WIPI1: variants seen among roughly 807,000 people sequenced by gnomAD.
WIPI1 encodes WD repeat domain phosphoinositide-interacting protein 1.
In WIPI1, 45 loss-of-function variants were observed where a neutral mutation model predicts 55.3. The observed-to-expected ratio is 0.81, with a 90% confidence interval of 0.64 to 1.04. The LOEUF is 1.04. WIPI1 is among the 50% of genes least tolerant of loss of function. The pLI, the probability that WIPI1 is intolerant of heterozygous loss-of-function variation, is 0.00. For synonymous variants in WIPI1, 195 were observed against 217.6 expected, an observed-to-expected ratio of 0.90 and a Z score of 0.92; for missense variants, 445 against 559.0, an observed-to-expected ratio of 0.80 and a Z score of 2.06.
intron 3 of WIPI1, chr17:68,448,157 T>C (rs1007924362): frequency 1.3e-5 from 2 of 152,296 alleles, no homozygotes; most frequent in Admixed American, 6.5e-5. Context: ...CTTGGGCCTT[T>C]ATCATTTCCC....
chr17:68,423,641 C>T lies in WIPI1; in HGVS notation c.1294-1821G>A, dbSNP rs1374984111. On this transcript the variant is annotated intron_variant, in intron 12 of 12. Coordinates refer to ENST00000262139, the MANE Select transcript of WIPI1 (RefSeq NM_017983.7). The surrounding 1 kb of genome is among the most constrained non-coding windows in gnomAD (Gnocchi z 4.4). The stretch of plus-strand genomic sequence containing the variant: ...TTTGGTCCTTAGGAGGGAGAAGAAA[C>T]AACTGGCTCATGCCCAGCTTCCTGG... Among the ~76,000 whole-genome samples the T allele has an allele frequency of 6.6e-6, 1 of 152,204 alleles. No homozygotes were observed. The highest frequency in any genetic ancestry group is 1.5e-5 in the Non-Finnish European group (1 of 68,032).
chr17:68,426,251 G>GGGGGGGGGGGGGGGGGGGGGT, intron 11 of WIPI1, 76 bp from the exon 12 acceptor site: 1 of 825,458 alleles, frequency 1.2e-6, no homozygotes, highest in Non-Finnish European at 1.9e-6. Flanking sequence ...GTGGGGAGCG[G>GGGGGGGGGGGGGGGGGGGGGT]GGGCTCAAAT....
chr17:68,451,793 C>T (rs762220377), intron 2 of WIPI1, among the ~76,000 whole-genome samples: 8 of 152,048 alleles, frequency 5.3e-5, no homozygotes, highest in Non-Finnish European at 8.8e-5. Context: ...AGTATTATGA[C>T]GAGGAAAGTA....
intron 3 of WIPI1, 45 bp downstream of exon 3, chr17:68,450,683 C>T (rs2084465487): frequency 6.4e-7 from 1 of 1,557,714 alleles, no homozygotes; most frequent in East Asian, 2.3e-5. Context: ...TTGTTTGGCT[C>T]CCGTTAGCAG....
chr17:68,432,663 C>A (rs2083583149), intron 8 of WIPI1, among the ~76,000 whole-genome samples: 1 of 152,120 alleles, frequency 6.6e-6, no homozygotes, highest in African/African-American at 2.4e-5. Context: ...TGGTGCCCAG[C>A]CTCTACACCT....
intron 3 of WIPI1, among the ~76,000 whole-genome samples, chr17:68,450,235 C>T (rs2084445341): frequency 1.3e-5 from 2 of 152,202 alleles, no homozygotes; most frequent in African/African-American, 4.8e-5. Context: ...AATAGCAGAC[C>T]TTCCAGGAGA....
intron 11 of WIPI1, among the ~76,000 whole-genome samples, chr17:68,426,636 A>C (rs111641302): frequency 1.2e-4 from 19 of 152,250 alleles, no homozygotes; most frequent in African/African-American, 4.6e-4. Flanking sequence ...TGGTTCAAGC[A>C]ATTCTCCTGC....
rs746812433 is a variant in WIPI1 at position 68,452,897 on chromosome 17, C to T, written c.163+13G>A. 8 of 1,612,588 alleles carry T rather than the reference C, an allele frequency of 5.0e-6. No individual in the cohort carries two copies. In the South Asian group the frequency reaches 6.6e-5, roughly 13 times the overall value. ...TCCTGCAGATCCCTGAGGTCTCTCT[C>T]ACACACACTTACTGCTTCCGTGGAC... On this transcript the variant is annotated intron_variant, in intron 2 of 12. Coordinates refer to ENST00000262139, the MANE Select transcript of WIPI1 (RefSeq NM_017983.7).
At chr17:68,422,883 C>G (rs538772803) in intron 12 of WIPI1, among the ~76,000 whole-genome samples, 1 of 152,060 alleles carries the variant, frequency 6.6e-6, no homozygotes, top group South Asian at 2.1e-4. Flanking sequence ...CTCATCCTCC[C>G]GAATGTAGCA....
chr17:68,425,702 G>A (rs915358727), intron 12 of WIPI1, among the ~76,000 whole-genome samples: 5 of 152,158 alleles, frequency 3.3e-5, no homozygotes, highest in African/African-American at 4.8e-5. Flanking sequence ...TTCTGCAAAC[G>A]CATCCATGGG....
Position 68,449,975 on chromosome 17 carries a change from C to T in WIPI1, c.333+753G>A, listed in dbSNP as rs138955101. 5.9e-5 allele frequency among the ~76,000 whole-genome samples: 9 copies of T among 152,292 alleles called. No individual in the cohort carries two copies. The East Asian group carries it at 1.5e-3, about 26-fold the overall frequency. On this transcript the variant is annotated intron_variant, in intron 3 of 12. Transcript: ENST00000262139. The stretch of plus-strand genomic sequence containing the variant: ...GCAGTGAGCCAAGATTGTGCCACTG[C>T]ATTCCAGCCTGGGCAATAGGGCAAG...
intron 1 of WIPI1, among the ~76,000 whole-genome samples, chr17:68,454,846 C>T (rs2084605860): frequency 6.6e-6 from 1 of 152,148 alleles, no homozygotes; most frequent in South Asian, 2.1e-4. Flanking sequence ...AACATAAGCC[C>T]TGCTCCTGGA....
At chr17:68,449,862 T>A (rs1215889875) in intron 3 of WIPI1, among the ~76,000 whole-genome samples, 1 of 152,112 alleles carries the variant, frequency 6.6e-6, no homozygotes, top group Non-Finnish European at 1.5e-5. Context: ...TACAGAAAAA[T>A]TAGCTGGGCG....
chr17:68,442,860 GACA>G (rs2084137340), intron 4 of WIPI1, among the ~76,000 whole-genome samples: 1 of 152,182 alleles, frequency 6.6e-6, no homozygotes, highest in Admixed American at 6.5e-5. Context: ...GGGAACTCGT[GACA>G]ACTAGATTTT....
chr17:68,451,020 G>A, intron 2 of WIPI1, 123 bp from the exon 3 acceptor site: 1 of 1,346,686 alleles, frequency 7.4e-7, no homozygotes. Context: ...TGCCGGCCAG[G>A]CGCCCTCTCT....
At chr17:68,456,650 C>A (rs911007483) in intron 1 of WIPI1, among the ~76,000 whole-genome samples, 1 of 152,174 alleles carries the variant, frequency 6.6e-6, no homozygotes, top group Non-Finnish European at 1.5e-5. Flanking sequence ...CTCCTGTTTC[C>A]TGGAGAGAAA....
At chr17:68,456,411 G>C (rs1332256023) in intron 1 of WIPI1, among the ~76,000 whole-genome samples, 1 of 152,180 alleles carries the variant, frequency 6.6e-6, no homozygotes, top group Non-Finnish European at 1.5e-5. Flanking sequence ...TGGGAAACTG[G>C]GAATCGGTCA....
intron 4 of WIPI1, among the ~76,000 whole-genome samples, chr17:68,437,550 T>G (rs2083871415): frequency 6.6e-6 from 1 of 151,162 alleles, no homozygotes; most frequent in African/African-American, 2.4e-5. Flanking sequence ...AGGTTCTGTC[T>G]TAAGAAAAAA....
intron 12 of WIPI1, among the ~76,000 whole-genome samples, chr17:68,422,985 C>T (rs1381702995): frequency 6.6e-6 from 1 of 152,112 alleles, no homozygotes; most frequent in Non-Finnish European, 1.5e-5. Flanking sequence ...TGATCCTACG[C>T]AGGGAAGTGT....
Sources: gnomAD v4.1 joint callset for allele counts (sites outside exome capture counted in the v4.1 genomes callset) on GRCh38, gnomAD v4.1.1 for gene constraint, Gnocchi (gnomAD v3.1) non-coding constraint, MANE v1.5 for transcripts, NCBI Gene and HGNC (gene_info 2026-07-23, HGNC 2026-07-21) for gene names.